The following COBLL1 variants were observed in gnomAD, a reference collection of about 807,000 sequenced individuals.
COBLL1 encodes cordon-bleu WH2 repeat protein like 1, also known as cordon-bleu protein-like 1.
COBLL1 carries 50 observed loss-of-function variants against 94.8 expected under a neutral mutation model. The ratio of observed to expected loss-of-function variants is 0.53; its 90% CI spans 0.42 to 0.67. The LOEUF is 0.67. Among genes scored for constraint, COBLL1 ranks in the 30% least tolerant of loss-of-function variants. The pLI is 0.00. For missense variants in COBLL1, 1,362 were observed against 1,348.7 expected, an observed-to-expected ratio of 1.01 and a Z score of -0.15; for synonymous variants, 448 against 473.8, an observed-to-expected ratio of 0.95 and a Z score of 0.71.
At chr2:164,772,947 G>C (rs355858) in intron 2 of COBLL1, among the ~76,000 whole-genome samples, 2 of 151,830 alleles carry the variant, frequency 1.3e-5, no homozygotes, top group African/African-American at 2.4e-5. Context: ...GAATGTCCAC[G>C]AGCAACTTCT....
intron 2 of COBLL1, among the ~76,000 whole-genome samples, chr2:164,838,087 A>G (rs771869614): frequency 1.1e-4 from 16 of 152,314 alleles, no homozygotes; most frequent in Middle Eastern, 3.4e-3. Flanking sequence ...AAAATGAAAG[A>G]CATTCAAGAT....
Position 164,700,759 on chromosome 2 carries a change from A to C in COBLL1, c.1226-3T>G. ...GCTATAATCAGAGCTTATTCCAGCT[A>C]CAAAGAAATGCAGATATAATCCTAA... On this transcript the variant is annotated splice_region_variant and splice_polypyrimidine_tract_variant and intron_variant, in intron 9 of 13. Transcript: ENST00000652658. 1 of 1,537,186 alleles carries C rather than the reference A, an allele frequency of 6.5e-7. No individual in the cohort carries two copies. The highest frequency in any genetic ancestry group is 9.0e-7 in the Non-Finnish European group (1 of 1,114,136).
At position 164,669,698 on chromosome 2, in the gene COBLL1, A is replaced by G. The variant is rs114593651; in HGVS notation, n.127-3797T>C. 3.1e-3 allele frequency among the ~76,000 whole-genome samples: 474 copies of G among 152,324 alleles called. 1 individual carries two copies. The highest frequency in any genetic ancestry group is 0.01 in the African/African-American group (436 of 41,568). ...ATCTATCTAATTCTTTTCTTGGTAC[A>G]TATCTATCTGGTTCAATTGATTCCA... On this transcript the variant is annotated intron_variant and non_coding_transcript_variant, in intron 1 of 2. Transcript: ENST00000495084.
intron 2 of COBLL1, among the ~76,000 whole-genome samples, chr2:164,770,964 AATAAG>A (rs1395854358): frequency 5.3e-5 from 8 of 152,208 alleles, no homozygotes; most frequent in East Asian, 1.9e-4. Context: ...CTAAAATAAA[AATAAG>A]ATATTTTTAT....
intron 2 of COBLL1, among the ~76,000 whole-genome samples, chr2:164,660,409 C>T (rs1164424310): frequency 1.3e-5 from 2 of 152,038 alleles, no homozygotes; most frequent in East Asian, 1.9e-4. Context: ...AAAGTGTCAA[C>T]GAAATTATAC....
intron 2 of COBLL1, among the ~76,000 whole-genome samples, chr2:164,836,682 TCAAAAGG>T (rs1683335446): frequency 6.6e-6 from 1 of 152,202 alleles, no homozygotes; most frequent in Admixed American, 6.5e-5. Flanking sequence ...ATGGAATCTT[TCAAAAGG>T]CAAAATAATG....
chr2:164,784,376 A>G (rs572162080), intron 2 of COBLL1, among the ~76,000 whole-genome samples: 2 of 152,140 alleles, frequency 1.3e-5, no homozygotes, highest in African/African-American at 2.4e-5. Flanking sequence ...TTGTATCTCT[A>G]AATTTTAAGT....
intron 9 of COBLL1, chr2:164,703,489 G>GA (rs1203200885): frequency 1.2e-5 from 5 of 400,742 alleles, no homozygotes; most frequent in South Asian, 2.5e-5. Context: ...TTCCTTTGTG[G>GA]AAAAAAATGG....
At position 164,694,580 on chromosome 2, in the gene COBLL1, C is replaced by T. The variant is rs1404016492; in HGVS notation, c.2812G>A (p.Val938Ile). Residue 938 changes from valine to isoleucine, a missense_variant, in exon 12 of 14, where the codon GTC becomes ATC. Transcript: ENST00000652658. ...QPLVEKTDDD[V>I]IGQAPAEASP... ...GCTTCAGCAGGAGCCTGACCGATGA[C>T]ATCATCATCAGTTTTTTCAACAAGG... 6.2e-7 allele frequency: 1 copy of T among 1,613,802 alleles called. No homozygotes were observed. The highest frequency in any genetic ancestry group is 1.7e-5 in the Admixed American group (1 of 59,954).
At chr2:164,696,531 T>TA (rs1683953639) in intron 11 of COBLL1, 1 of 152,204 alleles carries the variant, frequency 6.6e-6, no homozygotes, top group Admixed American at 6.5e-5. Context: ...CATAATGGTT[T>TA]TGATTTTTCT....
Position 164,700,525 on chromosome 2 carries a change from C to T in COBLL1, c.1457G>A (p.Gly486Glu). Reference protein sequence around the residue: ...EEKQETKSTDGQEPHSVVYDT... With the variant: ...EEKQETKSTDEQEPHSVVYDT... Reference sequence around the variant, plus strand: ...CTCCAGCACAGAGACTACTTACTGTCCATCTGTGCTTTTAGTTTCTTGTTT... The same window carrying T: ...CTCCAGCACAGAGACTACTTACTGTTCATCTGTGCTTTTAGTTTCTTGTTT... Residue 486 changes from glycine to glutamate, a missense_variant, in exon 10 of 14, where the codon GGA (glycine) becomes GAA (glutamate). Gly to Glu is a moderately conservative substitution (Grantham distance 98). Transcript: ENST00000652658. The T allele has an allele frequency of 6.3e-7, 1 of 1,597,722 alleles. No individual in the cohort carries two copies. Among genetic ancestry groups the T allele is most frequent in the Non-Finnish European group, 8.6e-7 (1 of 1,165,454 alleles).
rs3765059 is a variant in COBLL1 at position 164,743,800 on chromosome 2, A to C, written c.117T>G (p.Ser39=). ...KYTDVSSAAD[S]VESTAFIMEQ... The stretch of plus-strand genomic sequence containing the variant: ...CCATGATGAAAGCAGTGGATTCTAC[A>C]GAATCAGCAGCTGAAGAGACATCAG... The change falls in exon 3 of 14, where the codon TCT becomes TCG. Residue 39 remains serine (S), a synonymous_variant. Transcript: ENST00000652658. The C allele has an allele frequency of 3.0e-3, 4,870 of 1,613,492 alleles. 51 individuals are homozygous for C. The East Asian group carries it at 0.04, about 13-fold the overall frequency.
At chr2:164,802,963 C>T (rs1683887902) in intron 2 of COBLL1, among the ~76,000 whole-genome samples, 1 of 152,156 alleles carries the variant, frequency 6.6e-6, no homozygotes. Context: ...AATGGTCTTT[C>T]TCTTTCTGAA....
intron 2 of COBLL1, among the ~76,000 whole-genome samples, chr2:164,746,007 A>T (rs1261709108): frequency 6.6e-6 from 1 of 152,202 alleles, no homozygotes. Flanking sequence ...CAATGAAAGA[A>T]AAAGTAACTT....
intron 2 of COBLL1, among the ~76,000 whole-genome samples, chr2:164,756,252 T>C (rs1475307852): frequency 6.6e-6 from 1 of 152,130 alleles, no homozygotes; most frequent in Non-Finnish European, 1.5e-5. Flanking sequence ...TGTACTCCAG[T>C]AGAAAACATA....
chr2:164,826,903 TTTTTG>T (rs2105373204), intron 2 of COBLL1, among the ~76,000 whole-genome samples: 1 of 152,144 alleles, frequency 6.6e-6, no homozygotes, highest in South Asian at 2.1e-4. Flanking sequence ...TTCGTTTTTT[TTTTTG>T]TTTCTCTCTC....
At chr2:164,713,273 G>A (rs1370945833) in intron 7 of COBLL1, among the ~76,000 whole-genome samples, 2 of 152,106 alleles carry the variant, frequency 1.3e-5, no homozygotes, top group African/African-American at 2.4e-5. Context: ...ACATCAGAGT[G>A]AAGGGGTATA....
At chr2:164,725,168 T>C (rs1032884674) in intron 5 of COBLL1, among the ~76,000 whole-genome samples, 1 of 146,104 alleles carries the variant, frequency 6.8e-6, no homozygotes, top group Non-Finnish European at 1.5e-5. Flanking sequence ...CATTACGCTC[T>C]CAGGAACTAT....
At chr2:164,805,741 A>C (rs1418389961) in intron 2 of COBLL1, among the ~76,000 whole-genome samples, 1 of 152,102 alleles carries the variant, frequency 6.6e-6, no homozygotes, top group East Asian at 1.9e-4. Context: ...ATTGAAGGAC[A>C]TCCTGTTTGC....
Sources: gnomAD v4.1 joint callset for allele counts (sites outside exome capture counted in the v4.1 genomes callset) on GRCh38, gnomAD v4.1.1 for gene constraint, MANE v1.5 for transcripts, NCBI Gene and HGNC (gene_info 2026-07-23, HGNC 2026-07-21) for gene names.